LARGE1: variants seen among roughly 807,000 people sequenced by gnomAD.
LARGE1 encodes xylosyl- and glucuronyltransferase LARGE1.
Under a neutral mutation model 87.6 loss-of-function variants are expected in LARGE1, and 43 were observed. That is an observed-to-expected ratio of 0.49 (90% CI 0.38 to 0.63). The LOEUF (loss-of-function observed/expected upper bound fraction) is 0.63, where lower values mean the gene tolerates loss of function less well. Ranked by LOEUF, LARGE1 falls within the 30% of genes least tolerant of loss-of-function variation. LARGE1 has a pLI of 0.00. For synonymous variants in LARGE1, 434 were observed against 394.6 expected, an observed-to-expected ratio of 1.10 and a Z score of -1.18; for missense variants, 802 against 1,000.2, an observed-to-expected ratio of 0.80 and a Z score of 2.67.
intron 2 of LARGE1, among the ~76,000 whole-genome samples, chr22:33,678,996 G>A (rs2081663686): frequency 1.3e-5 from 2 of 152,302 alleles, no homozygotes; most frequent in South Asian, 2.1e-4. Context: ...TAGATAGCAA[G>A]CCCGGATCCC....
At chr22:33,833,056 G>A (rs777263189) in intron 1 of LARGE1, among the ~76,000 whole-genome samples, 7 of 152,110 alleles carry the variant, frequency 4.6e-5, no homozygotes, top group Non-Finnish European at 8.8e-5. Context: ...CCAGTGCAGG[G>A]GTGGCAGTCA....
chr22:33,882,035 G>GTTTT (rs56757133), intron 1 of LARGE1, among the ~76,000 whole-genome samples: 25 of 144,258 alleles, frequency 1.7e-4, no homozygotes, highest in African/African-American at 6.0e-4. Flanking sequence ...TTTTGTTTTT[G>GTTTT]TTTTTTTTTG....
At chr22:33,836,691 A>T (rs2063117256) in intron 1 of LARGE1, among the ~76,000 whole-genome samples, 1 of 152,118 alleles carries the variant, frequency 6.6e-6, no homozygotes, top group African/African-American at 2.4e-5. Context: ...TTCAAGCCTC[A>T]GTCCTCTCAT....
intron 9 of LARGE1, among the ~76,000 whole-genome samples, chr22:33,351,663 G>A (rs1214951481): frequency 1.3e-5 from 2 of 151,984 alleles, no homozygotes; most frequent in African/African-American, 2.4e-5. Flanking sequence ...CCCCCTTTGC[G>A]AGGAGATGGA....
intron 12 of LARGE1, among the ~76,000 whole-genome samples, chr22:33,285,363 C>A (rs1448018656): frequency 6.6e-6 from 1 of 152,184 alleles, no homozygotes; most frequent in Non-Finnish European, 1.5e-5. Flanking sequence ...TGGTGGCTCA[C>A]GCCTGTAATC....
intron 11 of LARGE1, among the ~76,000 whole-genome samples, chr22:33,178,405 A>G (rs1035697206): frequency 6.6e-6 from 1 of 152,132 alleles, no homozygotes; most frequent in African/African-American, 2.4e-5. Flanking sequence ...ACACACAAGC[A>G]TCCTGTGAAG....
intron 1 of LARGE1, among the ~76,000 whole-genome samples, chr22:33,814,162 C>A (rs906873839): frequency 6.6e-6 from 1 of 152,110 alleles, no homozygotes; most frequent in East Asian, 1.9e-4. Flanking sequence ...GAATGCTCTC[C>A]AAGAAAGGCT....
At chr22:33,199,621 T>C (rs1924268486) in intron 11 of LARGE1, among the ~76,000 whole-genome samples, 1 of 152,202 alleles carries the variant, frequency 6.6e-6, no homozygotes, top group Admixed American at 6.5e-5. Flanking sequence ...GGGTATTATT[T>C]CCTTAGCATA....
At chr22:33,531,285 A>T (rs199957556) in intron 6 of LARGE1, among the ~76,000 whole-genome samples, 1 of 151,804 alleles carries the variant, frequency 6.6e-6, no homozygotes, top group Admixed American at 6.6e-5. Flanking sequence ...AGCCTCCCGA[A>T]TAGCTGGGAT....
At chr22:33,332,643 C>G (rs1018612696) in intron 10 of LARGE1, among the ~76,000 whole-genome samples, 3 of 152,354 alleles carry the variant, frequency 2.0e-5, no homozygotes, top group Middle Eastern at 3.4e-3. Context: ...TCCCACAGAG[C>G]TGGGAGCATA....
intron 6 of LARGE1, among the ~76,000 whole-genome samples, chr22:33,478,831 C>T (rs1388965408): frequency 6.6e-6 from 1 of 152,160 alleles, no homozygotes; most frequent in African/African-American, 2.4e-5. Flanking sequence ...CCTGATGTGG[C>T]ACTTAAAGAT....
intron 9 of LARGE1, among the ~76,000 whole-genome samples, chr22:33,366,298 C>T (rs2064591583): frequency 6.6e-6 from 1 of 151,676 alleles, no homozygotes; most frequent in Non-Finnish European, 1.5e-5. Context: ...GCACGCTCTC[C>T]TCTTTCCAAC....
intron 2 of LARGE1, among the ~76,000 whole-genome samples, chr22:33,669,945 C>A (rs750857217): frequency 2.0e-5 from 3 of 152,140 alleles, no homozygotes; most frequent in Non-Finnish European, 4.4e-5. Context: ...ATTCATGAGG[C>A]CTTTTGCTAT....
chr22:33,771,104 T>C (rs961581558), intron 1 of LARGE1, among the ~76,000 whole-genome samples: 1 of 151,876 alleles, frequency 6.6e-6, no homozygotes, highest in Non-Finnish European at 1.5e-5. Context: ...GCATAGATTC[T>C]TTACTGTCAT....
chr22:33,556,557 AGG>A (rs2077690468), intron 6 of LARGE1, among the ~76,000 whole-genome samples: 1 of 29,556 alleles, frequency 3.4e-5, no homozygotes, highest in African/African-American at 1.2e-4. Context: ...GGAGGGAGGG[AGG>A]GAGGGAGGCA....
At chr22:33,789,099 G>A (rs193204122) in intron 1 of LARGE1, among the ~76,000 whole-genome samples, 6 of 152,304 alleles carry the variant, frequency 3.9e-5, no homozygotes, top group Non-Finnish European at 8.8e-5. Context: ...CACAGGCTTG[G>A]AGGCCTAGGA....
At chr22:33,805,720 C>A (rs2146115804) in intron 1 of LARGE1, among the ~76,000 whole-genome samples, 1 of 150,848 alleles carries the variant, frequency 6.6e-6, no homozygotes, top group African/African-American at 2.4e-5. Context: ...GGCGACAGAG[C>A]AAGACTCTGT....
chr22:33,906,569 C>G (rs976839496), intron 1 of LARGE1, among the ~76,000 whole-genome samples: 1 of 152,200 alleles, frequency 6.6e-6, no homozygotes, highest in Non-Finnish European at 1.5e-5. Context: ...CACCTCAGTA[C>G]CTTTTCTTAC....
chr22:33,080,361 T>C, the LARGE1 span, among the ~76,000 whole-genome samples: 1 of 152,236 alleles, frequency 6.6e-6, no homozygotes, highest in Admixed American at 6.5e-5. Flanking sequence ...TGTTTCTCAC[T>C]CGTGCTCTTT....
Sources: gnomAD v4.1 joint callset for allele counts (sites outside exome capture counted in the v4.1 genomes callset) on GRCh38, gnomAD v4.1.1 for gene constraint, MANE v1.5 for transcripts, NCBI Gene and HGNC (gene_info 2026-07-23, HGNC 2026-07-21) for gene names.